The following SNX24 variants were observed in gnomAD, a reference collection of about 807,000 sequenced individuals.
SNX24 encodes the protein sorting nexin-24.
Under a neutral mutation model 28.7 loss-of-function variants are expected in SNX24, and 22 were observed. The observed-to-expected ratio is 0.77, with a 90% CI of 0.55 to 1.10. The LOEUF (loss-of-function observed/expected upper bound fraction) is 1.10. SNX24 is among the 50% of genes least tolerant of loss of function. The pLI is 0.00. For synonymous variants in SNX24, 69 were observed against 71.5 expected, an observed-to-expected ratio of 0.96 and a Z score of 0.18; for missense variants, 221 against 201.1, an observed-to-expected ratio of 1.10 and a Z score of -0.60.
At chr5:122,913,365 C>A (rs978957389) in intron 1 of SNX24, among the ~76,000 whole-genome samples, 8 of 151,508 alleles carry the variant, frequency 5.3e-5, no homozygotes, top group Non-Finnish European at 1.0e-4. Context: ...CACCTCCCTC[C>A]CGGACGGGGC....
At chr5:122,919,971 A>G (rs1331776870) in intron 1 of SNX24, among the ~76,000 whole-genome samples, 1 of 152,246 alleles carries the variant, frequency 6.6e-6, no homozygotes, top group Non-Finnish European at 1.5e-5. Flanking sequence ...GAGCAACTTC[A>G]TCCTTTCCTG....
At chr5:123,009,795 T>A (rs2150182921), downstream of SNX24, among the ~76,000 whole-genome samples, 1 of 152,294 alleles carries the variant, frequency 6.6e-6, no homozygotes, top group South Asian at 2.1e-4. Flanking sequence ...TCCTGGTAGG[T>A]GTCCAAGAAC....
intron 2 of SNX24, among the ~76,000 whole-genome samples, chr5:122,940,557 C>G (rs1759396405): frequency 6.6e-6 from 1 of 152,042 alleles, no homozygotes; most frequent in Non-Finnish European, 1.5e-5. Flanking sequence ...ACCAAAAATA[C>G]AGTGGCTTAA....
chr5:122,909,016 T>C (rs1757767208), intron 1 of SNX24, among the ~76,000 whole-genome samples: 1 of 150,794 alleles, frequency 6.6e-6, no homozygotes. Flanking sequence ...CTGTGTATCT[T>C]TTTTTTTCTT....
chr5:123,017,634 C>T (rs879593734), intron 5 of SNX24, among the ~76,000 whole-genome samples: 1 of 152,000 alleles, frequency 6.6e-6, no homozygotes, highest in Non-Finnish European at 1.5e-5. Context: ...ACAGTTCCCT[C>T]GTGTTGTGGG....
intron 1 of SNX24, among the ~76,000 whole-genome samples, chr5:122,865,249 A>G (rs1755662040): frequency 6.6e-6 from 1 of 152,248 alleles, no homozygotes; most frequent in Admixed American, 6.5e-5. Context: ...TGGTATTCAT[A>G]CACATTTCCT....
intron 1 of SNX24, among the ~76,000 whole-genome samples, chr5:122,878,868 CAA>C (rs2150058654): frequency 6.7e-6 from 1 of 149,150 alleles, no homozygotes; most frequent in African/African-American, 2.5e-5. Context: ...CCCCACTACT[CAA>C]GAGGCTGAGG....
intron 1 of SNX24, among the ~76,000 whole-genome samples, chr5:122,921,139 C>T (rs906471160): frequency 5.3e-5 from 8 of 151,896 alleles, no homozygotes; most frequent in African/African-American, 1.9e-4. Context: ...CAAAAATGGA[C>T]TCTGTAGCCT....
At chr5:122,976,931 T>C (rs976292322) in intron 3 of SNX24, among the ~76,000 whole-genome samples, 3 of 152,228 alleles carry the variant, frequency 2.0e-5, no homozygotes, top group African/African-American at 7.2e-5. Flanking sequence ...CCTTTTCTAA[T>C]GGTATGTCTT....
intron 3 of SNX24, chr5:122,983,197 T>G (rs1318849213): frequency 1.1e-5 from 1 of 88,956 alleles, no homozygotes; most frequent in East Asian, 2.1e-4. Context: ...TTTTCAGCCT[T>G]TTTTTTTTTT....
chr5:122,947,628 T>C (rs1759746097), intron 3 of SNX24, among the ~76,000 whole-genome samples: 1 of 152,154 alleles, frequency 6.6e-6, no homozygotes, highest in African/African-American at 2.4e-5. Flanking sequence ...GGCCATGGTT[T>C]TTGAGACTGA....
chr5:122,899,267 G>C (rs1217712553), intron 1 of SNX24, among the ~76,000 whole-genome samples: 1 of 152,134 alleles, frequency 6.6e-6, no homozygotes, highest in African/African-American at 2.4e-5. Context: ...ATGTTCTAAG[G>C]GGAGGGTTGG....
intron 1 of SNX24, among the ~76,000 whole-genome samples, chr5:122,904,371 C>T (rs1265458407): frequency 1.1e-4 from 16 of 151,800 alleles, no homozygotes; most frequent in African/African-American, 3.4e-4. Context: ...TTAGTAGAGA[C>T]GGGGTTTCTC....
intron 1 of SNX24, among the ~76,000 whole-genome samples, chr5:122,858,061 CCTTTT>C (rs1391851645): frequency 6.6e-6 from 1 of 152,068 alleles, no homozygotes; most frequent in Non-Finnish European, 1.5e-5. Context: ...GATTACAGGA[CCTTTT>C]CTTTATTTAG....
intron 3 of SNX24, among the ~76,000 whole-genome samples, chr5:122,990,920 G>C (rs1004195457): frequency 2.6e-5 from 4 of 152,048 alleles, no homozygotes; most frequent in African/African-American, 9.7e-5. Context: ...ATTTATTGTT[G>C]AGACAGAGTC....
chr5:122,967,581 G>A (rs573522029), intron 3 of SNX24, among the ~76,000 whole-genome samples: 47 of 152,248 alleles, frequency 3.1e-4, no homozygotes, highest in African/African-American at 1.1e-3. Flanking sequence ...TGATAAAAAG[G>A]TGGATTAAGC....
chr5:122,951,824 T>C (rs999810786), intron 3 of SNX24, among the ~76,000 whole-genome samples: 1 of 152,184 alleles, frequency 6.6e-6, no homozygotes, highest in Non-Finnish European at 1.5e-5. Context: ...AGGCAGCCTG[T>C]GCAGGCAGTG....
chr5:122,860,411 C>G (rs1755404203), intron 1 of SNX24, among the ~76,000 whole-genome samples: 1 of 152,116 alleles, frequency 6.6e-6, no homozygotes, highest in African/African-American at 2.4e-5. Flanking sequence ...CCCCAAAGTT[C>G]CTGGCTCATG....
At chr5:122,845,839 C>A (rs1314753807) in intron 1 of SNX24, 146 bp downstream of exon 1, 1 of 441,522 alleles carries the variant, frequency 2.3e-6, no homozygotes, top group African/African-American at 2.1e-5. Flanking sequence ...AGGGCTGCGC[C>A]CTTGGCGCGG....
Sources: allele counts gnomAD v4.1 joint callset (sites outside exome capture counted in the v4.1 genomes callset), GRCh38; gene constraint gnomAD v4.1.1; transcripts MANE v1.5; gene names NCBI Gene and HGNC (gene_info 2026-07-23, HGNC 2026-07-21).